RAD54L2: variants seen among roughly 807,000 people sequenced by gnomAD.
The protein encoded by RAD54L2 is helicase ARIP4.
RAD54L2 carries 27 observed loss-of-function variants against 138.4 expected under a neutral mutation model. The ratio of observed to expected loss-of-function variants is 0.20; its 90% CI spans 0.14 to 0.27. The LOEUF is 0.27. RAD54L2 is among the 10% of genes least tolerant of loss of function. The pLI is 1.00. For missense variants in RAD54L2, 1,396 were observed against 1,890.2 expected (o/e 0.74, Z 4.85); for synonymous variants, 644 against 723.2 (o/e 0.89, Z 1.76).
chr3:51,595,645 T>G (rs1298282463), intron 3 of RAD54L2, among the ~76,000 whole-genome samples: 1 of 152,208 alleles, frequency 6.6e-6, no homozygotes, highest in Non-Finnish European at 1.5e-5. Context: ...ACCATGACTT[T>G]GTCTTCAAAC....
chr3:51,660,166 T>TGAAAA, intron 22 of RAD54L2, 48 bp downstream of exon 22: 1 of 1,478,068 alleles, frequency 6.8e-7, no homozygotes, highest in Non-Finnish European at 9.3e-7. Context: ...AACATTTGTT[T>TGAAAA]GCTTTGTTTT....
chr3:51,578,371 A>G (rs1699529066), intron 2 of RAD54L2, among the ~76,000 whole-genome samples: 1 of 152,140 alleles, frequency 6.6e-6, no homozygotes, highest in African/African-American at 2.4e-5. Context: ...AATATAACTC[A>G]TTTGTGTAAT....
intron 7 of RAD54L2, among the ~76,000 whole-genome samples, chr3:51,632,721 G>A (rs1201162391): frequency 4.0e-5 from 6 of 151,492 alleles, no homozygotes; most frequent in African/African-American, 9.7e-5. Context: ...GTGAAACCCC[G>A]TCTCTACTAA....
At chr3:51,601,688 C>G (rs917690882) in intron 3 of RAD54L2, among the ~76,000 whole-genome samples, 5 of 151,840 alleles carry the variant, frequency 3.3e-5, no homozygotes, top group Non-Finnish European at 5.9e-5. Flanking sequence ...AGATAATCTG[C>G]CCTCCTCGGC....
chr3:51,637,555 CA>C lies in RAD54L2; in HGVS notation c.1682+54del. 2.0e-6 allele frequency: 3 copies of C among 1,520,070 alleles called. No individual in the cohort carries two copies. The highest frequency in any genetic ancestry group is 1.8e-6 in the Non-Finnish European group (2 of 1,120,822). 94.2% of individuals were successfully genotyped at this position (1,520,070 alleles called of 1,614,324 possible). On this transcript the variant is annotated intron_variant, in intron 11 of 22. Coordinates refer to ENST00000684192, the MANE Select transcript of RAD54L2 (RefSeq NM_015106.4). The surrounding 1 kb of genome is among the most constrained non-coding windows in gnomAD (Gnocchi z 5.9). ...CTGAATTTTCAGAGGGCCCTGTTGC[CA>C]AGGGCATGCCAAACCTGTTATACAG...
Position 51,663,290 on chromosome 3 carries a change from G to A in RAD54L2, c.4274G>A (p.Gly1425Asp), listed in dbSNP as rs766193189. The change falls in exon 23 of 23, where the codon GGC becomes GAC. Residue 1425 changes from glycine to aspartate, a missense_variant. Coordinates refer to ENST00000684192, the MANE Select transcript of RAD54L2 (RefSeq NM_015106.4). ...IYPGYMSPHA[G>D]YPAGGLLRSQ... The stretch of plus-strand genomic sequence containing the variant: ...CCAGGCTACATGTCCCCACATGCAG[G>A]CTACCCAGCTGGTGGCCTCCTACGG... The A allele has an allele frequency of 2.7e-5, 43 of 1,613,966 alleles. No individual in the cohort carries two copies. The South Asian group carries it at 4.4e-4, about 16-fold the overall frequency.
intron 2 of RAD54L2, among the ~76,000 whole-genome samples, chr3:51,543,361 C>G (rs879976856): frequency 3.3e-5 from 5 of 152,120 alleles, no homozygotes; most frequent in African/African-American, 4.8e-5. Context: ...GTAATGCCAG[C>G]ACTTTGGCAG....
chr3:51,649,019 A>T (rs925818627), intron 19 of RAD54L2, among the ~76,000 whole-genome samples: 14 of 152,120 alleles, frequency 9.2e-5, no homozygotes, highest in Non-Finnish European at 2.1e-4. Context: ...CTAAAAGAGG[A>T]TGTTCAAACC....
intron 3 of RAD54L2, among the ~76,000 whole-genome samples, chr3:51,606,297 A>G (rs555253870): frequency 3.3e-5 from 5 of 152,342 alleles, no homozygotes; most frequent in Admixed American, 6.5e-5. Context: ...TTGGAGAGGA[A>G]GCAAGTTAGG....
At position 51,587,140 on chromosome 3, in the gene RAD54L2, G is replaced by A. The variant is rs185031178; in HGVS notation, c.-54-3227G>A. ...CTCGAGATGGGAGTCTCGCTGTGTC[G>A]CCCAGGCTGGAGTGCAGTGGCGTGA... On this transcript the variant is annotated intron_variant, in intron 2 of 22. Transcript: ENST00000684192. Among the ~76,000 whole-genome samples the A allele has an allele frequency of 4.1e-4, 62 of 149,928 alleles. 1 individual carries two copies. Among genetic ancestry groups the A allele is most frequent in the Non-Finnish European group, 6.5e-4 (44 of 67,582 alleles).
At chr3:51,624,488 G>C (rs930203601) in intron 3 of RAD54L2, among the ~76,000 whole-genome samples, 2 of 151,970 alleles carry the variant, frequency 1.3e-5, no homozygotes, top group Non-Finnish European at 2.9e-5. Flanking sequence ...TCAAACTCCT[G>C]GGCTCAAGCA....
At chr3:51,659,137 G>A (rs972408709) in intron 21 of RAD54L2, among the ~76,000 whole-genome samples, 4 of 122,742 alleles carry the variant, frequency 3.3e-5, no homozygotes, top group African/African-American at 6.5e-5. Context: ...GCAGAGTCTC[G>A]CTCTGTTGCC....
intron 19 of RAD54L2, among the ~76,000 whole-genome samples, chr3:51,647,438 C>T (rs973904798): frequency 2.0e-5 from 3 of 152,146 alleles, no homozygotes; most frequent in Non-Finnish European, 4.4e-5. Context: ...GAGGTCTAGG[C>T]GGGCAGATCA....
chr3:51,542,833 G>C (rs2108683037), intron 2 of RAD54L2, among the ~76,000 whole-genome samples: 1 of 152,322 alleles, frequency 6.6e-6, no homozygotes, highest in Admixed American at 6.5e-5. Flanking sequence ...CCTGGCAGTA[G>C]AAGGTTTTTT....
intron 3 of RAD54L2, among the ~76,000 whole-genome samples, chr3:51,592,375 T>C (rs1309067021): frequency 6.6e-6 from 1 of 152,052 alleles, no homozygotes; most frequent in Non-Finnish European, 1.5e-5. Context: ...TAAATACTTT[T>C]TTAAAATTTT....
intron 3 of RAD54L2, among the ~76,000 whole-genome samples, chr3:51,594,075 T>G (rs1699901623): frequency 6.9e-6 from 1 of 143,936 alleles, no homozygotes; most frequent in South Asian, 2.2e-4. Flanking sequence ...TCTTTTTTTT[T>G]TTTTTTTTTT....
At chr3:51,611,357 G>C (rs181668202) in intron 3 of RAD54L2, 3 of 151,544 alleles carry the variant, frequency 2.0e-5, no homozygotes, top group South Asian at 4.2e-4. Context: ...CATAATAATC[G>C]CATTATGGAA....
chr3:51,645,391 G>A lies in RAD54L2; in HGVS notation c.2656+162G>A, dbSNP rs1701253809. The stretch of plus-strand genomic sequence containing the variant: ...GATTCAAATTGCTTAAAAGGTAATT[G>A]ACCTCAACTTGTTGAAGGTGAGTTT... On this transcript the variant is annotated intron_variant, in intron 17 of 22. Coordinates refer to ENST00000684192, the MANE Select transcript of RAD54L2 (RefSeq NM_015106.4). The surrounding 1 kb of genome is among the most constrained non-coding windows in gnomAD (Gnocchi z 6.1). Among the ~76,000 whole-genome samples, 1 of 152,170 alleles carries A rather than the reference G, an allele frequency of 6.6e-6. No homozygotes were observed. Among genetic ancestry groups the A allele is most frequent in the Non-Finnish European group, 1.5e-5 (1 of 68,038 alleles).
Position 51,570,744 on chromosome 3 carries a change from C to T in RAD54L2, c.-54-19623C>T, listed in dbSNP as rs529742077. The stretch of plus-strand genomic sequence containing the variant: ...TGCTGGGATTACAGGCATGAGCCAC[C>T]GGTGCCCAGCCCTATTTTTAAGAAT... On this transcript the variant is annotated intron_variant, in intron 2 of 22. Transcript: ENST00000684192. Among the ~76,000 whole-genome samples the T allele has an allele frequency of 1.1e-4, 17 of 152,240 alleles. No homozygotes were observed. In the South Asian group the frequency reaches 2.1e-3, roughly 19 times the overall value.
Sources: gnomAD v4.1 joint callset for allele counts (sites outside exome capture counted in the v4.1 genomes callset) on GRCh38, gnomAD v4.1.1 for gene constraint, Gnocchi (gnomAD v3.1) non-coding constraint, MANE v1.5 for transcripts, NCBI Gene and HGNC (gene_info 2026-07-23, HGNC 2026-07-21) for gene names.